Variants in CYLC2 observed in about 807,000 individuals in gnomAD.
CYLC2 encodes the protein cylicin-2.
A neutral mutation model predicts 26.1 loss-of-function variants in CYLC2; 30 were observed. That is an observed-to-expected ratio of 1.15 (90% CI 0.86 to 1.56). The LOEUF is 1.56. Among genes scored for constraint, CYLC2 ranks in the 40% most tolerant of loss-of-function variants. The pLI is 0.00. For synonymous variants in CYLC2, 158 were observed against 132.8 expected, an observed-to-expected ratio of 1.19 and a Z score of -1.31; for missense variants, 498 against 394.4, an observed-to-expected ratio of 1.26 and a Z score of -2.23.
At chr9:103,007,511 T>C (rs1432021796) in intron 5 of CYLC2, among the ~76,000 whole-genome samples, 3 of 152,108 alleles carry the variant, frequency 2.0e-5, no homozygotes, top group Non-Finnish European at 4.4e-5. Context: ...ATAATATTTA[T>C]TTAGATGTGG....
intron 6 of CYLC2, among the ~76,000 whole-genome samples, chr9:103,014,105 T>C (rs1409645401): frequency 5.8e-5 from 7 of 120,278 alleles, no homozygotes; most frequent in African/African-American, 1.7e-4. Flanking sequence ...AAATTAAATA[T>C]AATAAATATA....
Position 103,005,166 on chromosome 9 carries a change from G to A in CYLC2, c.535G>A (p.Glu179Lys), listed in dbSNP as rs1272688181. The part of the protein sequence containing the change: ...EKGKDSATES[E>K]DEKGGAKKDN... The stretch of plus-strand genomic sequence containing the variant: ...GGGCAAAGACTCAGCAACAGAATCT[G>A]AAGATGAAAAAGGAGGTGCAAAGAA... The change falls in exon 5 of 8, where the codon GAA becomes AAA. Residue 179 changes from glutamate to lysine, a missense_variant. By Grantham distance (56) the Glu-to-Lys change is moderately conservative. Transcript: ENST00000374798. The A allele has an allele frequency of 6.2e-7, 1 of 1,605,368 alleles. No individual in the cohort carries two copies. The highest frequency in any genetic ancestry group is 1.7e-5 in the Admixed American group (1 of 57,516).
At chr9:103,018,250 G>A (rs1829527060) in intron 7 of CYLC2, 75 bp from the exon 8 acceptor site, 1 of 151,998 alleles carries the variant, frequency 6.6e-6, no homozygotes, top group Non-Finnish European at 1.5e-5. Context: ...GCATTTGGTA[G>A]ATGCCCTTTA....
chr9:103,005,870 G>A lies in CYLC2; in HGVS notation c.*192G>A. The A allele has an allele frequency of 1.7e-6, 1 of 585,284 alleles. No individual in the cohort carries two copies. Among genetic ancestry groups the A allele is most frequent in the East Asian group, 2.9e-5 (1 of 34,760 alleles). 36.3% of individuals were successfully genotyped at this position (585,284 alleles called of 1,614,324 possible). ...TAAAAATATATAAGAAAGATGTTAA[G>A]AAAAATTAAGGGGGGATCCATTGAA... On this transcript the variant is annotated 3_prime_UTR_variant, in exon 5 of 8. Coordinates refer to ENST00000374798, the MANE Select transcript of CYLC2 (RefSeq NM_001340.5).
At chr9:103,013,415 T>G (rs1829440318) in intron 6 of CYLC2, among the ~76,000 whole-genome samples, 1 of 106,072 alleles carries the variant, frequency 9.4e-6, no homozygotes, top group African/African-American at 3.9e-5. Flanking sequence ...ATATTTAATA[T>G]ATTGTGTATC....
chr9:103,011,295 TTTTG>T (rs1314450052), intron 5 of CYLC2, among the ~76,000 whole-genome samples: 6 of 152,186 alleles, frequency 3.9e-5, no homozygotes, highest in Non-Finnish European at 7.3e-5. Flanking sequence ...CCCCCCTTCA[TTTTG>T]TTTAACTTTT....
rs752299516 is a variant in CYLC2 at position 103,003,258 on chromosome 9, G to A, written c.175G>A (p.Val59Ile). Residue 59 changes from valine to isoleucine, a missense_variant, in exon 3 of 8, where the codon GTT becomes ATT. Val to Ile is a conservative substitution (Grantham distance 29). Coordinates refer to ENST00000374798, the MANE Select transcript of CYLC2 (RefSeq NM_001340.5). The part of the protein sequence containing the change: ...SKPSQIRDNT[V>I]SIIDEEQLRG... ...ACCTTCTCAAATACGGGACAACACG[G>A]TTTCTGTAAGCATTGGAAAGATTTT... 2.5e-6 allele frequency: 4 copies of A among 1,611,844 alleles called. No homozygotes were observed. The highest frequency in any genetic ancestry group is 3.4e-6 in the Non-Finnish European group (4 of 1,179,020).
chr9:103,014,753 CATATGTAATATA>C (rs1393626691), intron 6 of CYLC2, among the ~76,000 whole-genome samples: 4,925 of 26,114 alleles, frequency 0.19, 503 homozygotes, highest in East Asian at 0.51. Context: ...ATGCAATATA[CATATGTAATATA>C]CGTATGTATA....
chr9:102,998,615 G>T (rs920798438), intron 1 of CYLC2, among the ~76,000 whole-genome samples: 1 of 151,868 alleles, frequency 6.6e-6, no homozygotes, highest in Non-Finnish European at 1.5e-5. Context: ...AGGGTATTTG[G>T]TTTATTGCTG....
At position 103,000,378 on chromosome 9, in the gene CYLC2, G is replaced by A. The variant is rs578192024; in HGVS notation, c.18-1200G>A. Among the ~76,000 whole-genome samples the A allele has an allele frequency of 1.1e-4, 17 of 151,996 alleles. No homozygotes were observed. In the South Asian group the frequency reaches 3.1e-3, roughly 28 times the overall value. ...TATTTTGAAAATATCAAGTTTAATA[G>A]TGTTTCATGAACTTAAAATCTTTCC... On this transcript the variant is annotated intron_variant, in intron 1 of 7. Coordinates refer to ENST00000374798, the MANE Select transcript of CYLC2 (RefSeq NM_001340.5).
At chr9:103,015,645 C>G (rs139559562) in intron 6 of CYLC2, among the ~76,000 whole-genome samples, 2 of 147,300 alleles carry the variant, frequency 1.4e-5, no homozygotes, top group African/African-American at 2.5e-5. Context: ...CTTGGACTCT[C>G]TACTTGACCA....
At chr9:103,014,625 G>A (rs1301129819) in intron 6 of CYLC2, among the ~76,000 whole-genome samples, 4 of 141,272 alleles carry the variant, frequency 2.8e-5, no homozygotes, top group South Asian at 2.2e-4. Context: ...TGTATATTAT[G>A]CAGTATACAT....
chr9:103,011,376 G>C (rs1564099816), intron 5 of CYLC2, among the ~76,000 whole-genome samples: 1 of 152,006 alleles, frequency 6.6e-6, no homozygotes, highest in Non-Finnish European at 1.5e-5. Context: ...CATAAAAAAT[G>C]TTTTATATCA....
chr9:102,999,436 A>G (rs1829267143), intron 1 of CYLC2, among the ~76,000 whole-genome samples: 2 of 151,832 alleles, frequency 1.3e-5, no homozygotes, highest in Non-Finnish European at 3.0e-5. Context: ...AATAAAGACA[A>G]TTTTACTTCT....
chr9:103,004,849 C>A lies in CYLC2; in HGVS notation c.335C>A (p.Ala112Glu), dbSNP rs573922221. Reference sequence around the variant, plus strand: ...ACTGTCGAGGTGGATTCTAAAGCAGCAGGTAGAGATAACTTACTGTTTTTA... The same window carrying A: ...ACTGTCGAGGTGGATTCTAAAGCAGAAGGTAGAGATAACTTACTGTTTTTA... Reference protein sequence around the residue: ...TRTVEVDSKAAEIGKKGEDKT... With the variant: ...TRTVEVDSKAEEIGKKGEDKT... The change falls in exon 4 of 8, where the codon GCA becomes GAA. Residue 112 changes from alanine (A) to glutamate (E), a missense_variant and splice_region_variant. By Grantham distance (107) the Ala-to-Glu change is moderately radical. Transcript: ENST00000374798. 954 of 1,607,354 alleles carry A rather than the reference C, an allele frequency of 5.9e-4. 7 individuals carry two copies. The South Asian group carries it at 0.01, about 17-fold the overall frequency.
In CYLC2 at chr9:103,005,445, AAAGAT is replaced by A. The variant is rs1564098013; in HGVS notation, c.819_823del (p.Asp273GlufsTer5). On this transcript the variant is annotated frameshift_variant, in exon 5 of 8. Coordinates refer to ENST00000374798, the MANE Select transcript of CYLC2 (RefSeq NM_001340.5). LOFTEE classifies it low-confidence loss of function (END_TRUNC). ...TGCAAAGGAGATTAAAAAAGGTAAG[AAAGAT>A]AAGAAGAAGCCCAGTAGTACAGACA... The A allele has an allele frequency of 6.2e-7, 1 of 1,613,434 alleles. No homozygotes were observed. The highest frequency in any genetic ancestry group is 1.1e-5 in the South Asian group (1 of 91,028).
intron 1 of CYLC2, among the ~76,000 whole-genome samples, chr9:102,998,777 C>T (rs1829261015): frequency 6.6e-6 from 1 of 151,924 alleles, no homozygotes; most frequent in Non-Finnish European, 1.5e-5. Flanking sequence ...GTCAATCCAA[C>T]TTGCTTTTCT....
At chr9:103,003,118 T>A (rs1564097044) in intron 2 of CYLC2, 24 bp from the exon 3 acceptor site, 1 of 1,612,396 alleles carries the variant, frequency 6.2e-7, no homozygotes, top group Non-Finnish European at 8.5e-7. Context: ...CTCCAAAATG[T>A]GTTTTTTGTC....
chr9:103,000,519 G>C (rs2118226537), intron 1 of CYLC2, among the ~76,000 whole-genome samples: 1 of 152,038 alleles, frequency 6.6e-6, no homozygotes, highest in Admixed American at 6.6e-5. Context: ...AGATATGATG[G>C]GGCAAGTAAT....
Sources: allele counts gnomAD v4.1 joint callset (sites outside exome capture counted in the v4.1 genomes callset), GRCh38; gene constraint gnomAD v4.1.1; transcripts MANE v1.5; gene names NCBI Gene and HGNC (gene_info 2026-07-23, HGNC 2026-07-21).